The following ACOT12 variants were observed in gnomAD, a reference collection of about 807,000 sequenced individuals.
The protein encoded by ACOT12 is acetyl-coenzyme A thioesterase.
A neutral mutation model predicts 67.7 loss-of-function variants in ACOT12; 51 were observed. That is an observed-to-expected ratio of 0.75 (90% confidence interval 0.60 to 0.95). The LOEUF (loss-of-function observed/expected upper bound fraction) is 0.95. Among genes scored for constraint, ACOT12 ranks in the 40% least tolerant of loss-of-function variants. ACOT12 has a pLI of 0.00. For missense variants in ACOT12, 734 were observed against 708.1 expected (o/e 1.04, Z -0.41); for synonymous variants, 251 against 244.6 (o/e 1.03, Z -0.24).
chr5:81,344,094 G>A, intron 9 of ACOT12, 66 bp downstream of exon 9: 4 of 1,524,668 alleles, frequency 2.6e-6, no homozygotes, highest in Middle Eastern at 1.7e-4. Context: ...ACCCAGAGGG[G>A]GGCTCTTATA....
intron 1 of ACOT12, 124 bp downstream of exon 1, chr5:81,393,864 T>C: frequency 9.0e-7 from 1 of 1,109,572 alleles, no homozygotes; most frequent in Non-Finnish European, 1.1e-6. Flanking sequence ...CCCCTATCCC[T>C]GGCTGCGCAG....
chr5:81,386,814 G>A (rs1350513092), intron 1 of ACOT12, among the ~76,000 whole-genome samples: 1 of 151,984 alleles, frequency 6.6e-6, no homozygotes, highest in African/African-American at 2.4e-5. Flanking sequence ...CACTGCGCAC[G>A]TATTTAACAC....
chr5:81,382,681 A>G (rs1760617512), intron 2 of ACOT12, among the ~76,000 whole-genome samples: 1 of 152,018 alleles, frequency 6.6e-6, no homozygotes, highest in Non-Finnish European at 1.5e-5. Flanking sequence ...GGCCCCTGTA[A>G]TCCCAGCTAC....
chr5:81,364,359 T>C (rs1367504288), intron 3 of ACOT12, among the ~76,000 whole-genome samples: 2 of 151,958 alleles, frequency 1.3e-5, no homozygotes, highest in African/African-American at 4.8e-5. Flanking sequence ...ACATATGACA[T>C]GAAATACGTG....
At chr5:81,342,644 A>G in intron 11 of ACOT12, 28 bp downstream of exon 11, 1 of 1,611,046 alleles carries the variant, frequency 6.2e-7, no homozygotes, top group Admixed American at 1.7e-5. Context: ...TGGGCGATGG[A>G]TTATGCAAAT....
At chr5:81,381,689 T>C (rs1377638262) in intron 2 of ACOT12, among the ~76,000 whole-genome samples, 1 of 151,780 alleles carries the variant, frequency 6.6e-6, no homozygotes, top group Non-Finnish European at 1.5e-5. Context: ...AGACAGAAGG[T>C]AGGGAGGAGC....
the ACOT12 span, among the ~76,000 whole-genome samples, chr5:81,321,844 G>A: frequency 1.3e-5 from 2 of 152,148 alleles, no homozygotes; most frequent in African/African-American, 2.4e-5. Flanking sequence ...CTACCCGGGA[G>A]GCTGAGGCAC....
intron 5 of ACOT12, among the ~76,000 whole-genome samples, chr5:81,353,513 C>T (rs1045879366): frequency 2.6e-5 from 4 of 152,154 alleles, no homozygotes; most frequent in African/African-American, 9.7e-5. Flanking sequence ...TGAGGTCATG[C>T]TAGCCCTAGT....
intron 2 of ACOT12, among the ~76,000 whole-genome samples, 162 bp downstream of exon 2, chr5:81,385,595 C>T (rs1760705530): frequency 6.6e-6 from 1 of 152,100 alleles, no homozygotes; most frequent in African/African-American, 2.4e-5. Flanking sequence ...TAAGTAGGCC[C>T]TATGATTATT....
chr5:81,357,521 C>T (rs984029723), intron 5 of ACOT12, among the ~76,000 whole-genome samples: 7 of 151,948 alleles, frequency 4.6e-5, no homozygotes, highest in Non-Finnish European at 8.8e-5. Flanking sequence ...CTAGCATGCA[C>T]CGGGGCAAAC....
At chr5:81,340,463 G>T (rs1278786644) in intron 11 of ACOT12, among the ~76,000 whole-genome samples, 2 of 152,144 alleles carry the variant, frequency 1.3e-5, no homozygotes, top group East Asian at 3.8e-4. Context: ...CCAGGTTCAA[G>T]CAATTCTCCT....
chr5:81,386,030 T>C lies in ACOT12; in HGVS notation c.128-204A>G, dbSNP rs1170237812. ...AGTTATATTTCTAATGTATGGTAAT[T>C]ACTGCACTTTTTATCCTAATTTTTA... On this transcript the variant is annotated intron_variant, in intron 1 of 14. Transcript: ENST00000307624. Among the ~76,000 whole-genome samples the C allele has an allele frequency of 7.2e-5, 11 of 152,340 alleles. No individual in the cohort carries two copies. In the South Asian group the frequency reaches 2.1e-3, roughly 29 times the overall value.
intron 7 of ACOT12, among the ~76,000 whole-genome samples, chr5:81,345,554 C>G (rs762620514): frequency 7.9e-5 from 12 of 151,928 alleles, no homozygotes; most frequent in Admixed American, 2.0e-4. Flanking sequence ...AATACCAGGT[C>G]CATTATGAGT....
chr5:81,374,272 A>T (rs1456223163), intron 2 of ACOT12, among the ~76,000 whole-genome samples: 1 of 152,208 alleles, frequency 6.6e-6, no homozygotes, highest in African/African-American at 2.4e-5. Flanking sequence ...GAAGACTAAC[A>T]AACAGAAAGG....
intron 2 of ACOT12, among the ~76,000 whole-genome samples, chr5:81,375,033 T>A (rs1453131090): frequency 1.3e-5 from 2 of 151,984 alleles, no homozygotes; most frequent in African/African-American, 4.8e-5. Context: ...CTAAGACACA[T>A]AATTGTCAGA....
chr5:81,348,182 C>G (rs1342536676), intron 5 of ACOT12, among the ~76,000 whole-genome samples: 1 of 152,024 alleles, frequency 6.6e-6, no homozygotes, highest in East Asian at 1.9e-4. Flanking sequence ...TAAAATAAGT[C>G]TATTGGAATT....
the ACOT12 span, among the ~76,000 whole-genome samples, chr5:81,323,937 T>TAC: frequency 1.7e-5 from 2 of 116,596 alleles, no homozygotes; most frequent in Non-Finnish European, 4.0e-5. Flanking sequence ...TATACATATA[T>TAC]GTGTATATAT....
intron 1 of ACOT12, among the ~76,000 whole-genome samples, chr5:81,392,097 G>A (rs1248599147): frequency 6.6e-6 from 1 of 152,198 alleles, no homozygotes; most frequent in Non-Finnish European, 1.5e-5. Flanking sequence ...TAAGGATAGT[G>A]AGAATATTTC....
At chr5:81,308,963 A>G in the ACOT12 span, 11 of 1,613,100 alleles carry the variant, frequency 6.8e-6, no homozygotes, top group Admixed American at 3.3e-5. Flanking sequence ...TCCTTTTGCA[A>G]AATGTTTTGT....
Sources: allele counts gnomAD v4.1 joint callset (sites outside exome capture counted in the v4.1 genomes callset), GRCh38; gene constraint gnomAD v4.1.1; transcripts MANE v1.5; gene names NCBI Gene and HGNC (gene_info 2026-07-23, HGNC 2026-07-21).